Variants in EPB41L5 observed in about 807,000 individuals in gnomAD.
EPB41L5 encodes band 4.1-like protein 5.
A neutral mutation model predicts 106.6 loss-of-function variants in EPB41L5; 55 were observed. That is an observed-to-expected ratio of 0.52 (90% CI 0.42 to 0.65). The LOEUF is 0.65. Ranked by LOEUF, EPB41L5 falls within the 30% of genes least tolerant of loss-of-function variation. The pLI is 0.00. For synonymous variants in EPB41L5, 297 were observed against 306.7 expected, an observed-to-expected ratio of 0.97 and a Z score of 0.33; for missense variants, 871 against 882.1, an observed-to-expected ratio of 0.99 and a Z score of 0.16.
intron 18 of EPB41L5, among the ~76,000 whole-genome samples, chr2:120,139,622 A>G (rs561451446): frequency 9.2e-5 from 14 of 152,154 alleles, no homozygotes; most frequent in African/African-American, 3.1e-4. Context: ...TCAAAACTCC[A>G]GTGAGATATC....
In EPB41L5 at chr2:120,040,781, T is replaced by C. The variant is rs139396366; in HGVS notation, c.181-1225T>C. ...AGGACATGAAGGCATGGTCAAGTTC[T>C]TGATGAAAGGAAATATAGATGACAG... On this transcript the variant is annotated intron_variant, in intron 2 of 24. Coordinates refer to ENST00000263713, the MANE Select transcript of EPB41L5 (RefSeq NM_020909.4). Among the ~76,000 whole-genome samples the C allele has an allele frequency of 2.2e-3, 329 of 152,294 alleles. 1 individual carries two copies. Among genetic ancestry groups the C allele is most frequent in the Non-Finnish European group, 2.5e-3 (173 of 68,016 alleles).
intron 2 of EPB41L5, among the ~76,000 whole-genome samples, chr2:120,025,150 T>C (rs1678220098): frequency 6.6e-6 from 1 of 152,168 alleles, no homozygotes; most frequent in Admixed American, 6.5e-5. Flanking sequence ...GGTAGCCTAT[T>C]AATTGCTGCC....
chr2:120,067,220 T>C (rs140128516), intron 3 of EPB41L5, among the ~76,000 whole-genome samples: 1 of 152,348 alleles, frequency 6.6e-6, no homozygotes, highest in Non-Finnish European at 1.5e-5. Flanking sequence ...TATTTAAACA[T>C]GGAAAGGTAT....
At chr2:120,036,903 CT>C (rs1558813183) in intron 2 of EPB41L5, among the ~76,000 whole-genome samples, 4 of 152,092 alleles carry the variant, frequency 2.6e-5, no homozygotes, top group Non-Finnish European at 5.9e-5. Context: ...GTAGGAGTTC[CT>C]TTTTCCCCTA....
intron 21 of EPB41L5, among the ~76,000 whole-genome samples, chr2:120,162,304 TTATTGCCAA>T (rs1321979712): frequency 6.6e-6 from 1 of 152,242 alleles, no homozygotes; most frequent in Non-Finnish European, 1.5e-5. Context: ...GAAACCCAGT[TTATTGCCAA>T]TGAATGTTTT....
intron 3 of EPB41L5, among the ~76,000 whole-genome samples, chr2:120,063,660 T>C (rs1681236978): frequency 6.6e-6 from 1 of 151,488 alleles, no homozygotes; most frequent in Admixed American, 6.6e-5. Context: ...AAAAAAAAAT[T>C]CCTGGCCGGG....
intron 20 of EPB41L5, among the ~76,000 whole-genome samples, chr2:120,151,599 T>G (rs1188747148): frequency 7.1e-6 from 1 of 140,838 alleles, no homozygotes; most frequent in Non-Finnish European, 1.5e-5. Context: ...CAGGAGCCAC[T>G]GCGTCTGGCC....
At chr2:120,040,344 G>T (rs751480312) in intron 2 of EPB41L5, among the ~76,000 whole-genome samples, 1 of 152,172 alleles carries the variant, frequency 6.6e-6, no homozygotes, top group East Asian at 1.9e-4. Context: ...AGAAAATTGA[G>T]ATTGACATCA....
intron 24 of EPB41L5, among the ~76,000 whole-genome samples, chr2:120,172,645 G>A (rs940905839): frequency 6.6e-6 from 1 of 152,202 alleles, no homozygotes; most frequent in African/African-American, 2.4e-5. Flanking sequence ...TGGAAGATGT[G>A]TTCCATCTAA....
chr2:120,044,076 G>A (rs539507642), intron 3 of EPB41L5, among the ~76,000 whole-genome samples: 2 of 151,002 alleles, frequency 1.3e-5, no homozygotes, highest in Admixed American at 1.3e-4. Flanking sequence ...GGAGTTCAAG[G>A]TTGCAGTGAG....
At chr2:120,142,644 C>T (rs1403577509) in intron 18 of EPB41L5, among the ~76,000 whole-genome samples, 1 of 152,158 alleles carries the variant, frequency 6.6e-6, no homozygotes, top group East Asian at 1.9e-4. Flanking sequence ...TGCAGAACCT[C>T]GTAGTCTCTT....
chr2:120,165,013 T>A (rs1687328215), intron 22 of EPB41L5, 103 bp downstream of exon 22: 1 of 830,978 alleles, frequency 1.2e-6, no homozygotes, highest in Non-Finnish European at 1.9e-6. Flanking sequence ...GTTAAACTTT[T>A]CATTTGATAA....
intron 24 of EPB41L5, among the ~76,000 whole-genome samples, chr2:120,174,328 A>G (rs1486924070): frequency 2.6e-5 from 4 of 152,166 alleles, no homozygotes; most frequent in Non-Finnish European, 4.4e-5. Context: ...ATGTTGGCAC[A>G]GGCCTATAGT....
chr2:120,055,428 T>C (rs1680580119), intron 3 of EPB41L5, among the ~76,000 whole-genome samples: 1 of 151,936 alleles, frequency 6.6e-6, no homozygotes, highest in Non-Finnish European at 1.5e-5. Context: ...ATTTTAACAA[T>C]GTAGTCTTCT....
At chr2:120,155,593 C>T (rs1422919568) in intron 20 of EPB41L5, among the ~76,000 whole-genome samples, 2 of 151,770 alleles carry the variant, frequency 1.3e-5, no homozygotes, top group Non-Finnish European at 2.9e-5. Flanking sequence ...TCTTTCTATC[C>T]CTTTCTCTTC....
intron 18 of EPB41L5, among the ~76,000 whole-genome samples, chr2:120,132,695 C>T (rs1479551709): frequency 6.6e-6 from 1 of 152,144 alleles, no homozygotes; most frequent in Non-Finnish European, 1.5e-5. Flanking sequence ...TGTCTGTTTG[C>T]TTTTACAGTG....
chr2:120,172,359 G>A (rs1687715725), intron 24 of EPB41L5, among the ~76,000 whole-genome samples: 2 of 152,172 alleles, frequency 1.3e-5, no homozygotes, highest in Admixed American at 6.5e-5. Flanking sequence ...ATCTTTAGGA[G>A]GTCAAAGTTA....
chr2:120,035,909 A>C (rs921596557), intron 2 of EPB41L5, among the ~76,000 whole-genome samples: 3 of 152,098 alleles, frequency 2.0e-5, no homozygotes, highest in Admixed American at 6.6e-5. Context: ...AGTCCCAGGT[A>C]AGGAGTGTTG....
intron 14 of EPB41L5, among the ~76,000 whole-genome samples, chr2:120,099,117 G>A (rs887686092): frequency 6.6e-6 from 1 of 152,168 alleles, no homozygotes; most frequent in Non-Finnish European, 1.5e-5. Flanking sequence ...CTGAAACACA[G>A]TGCTGTCGTT....
Sources: gnomAD v4.1 joint callset for allele counts (sites outside exome capture counted in the v4.1 genomes callset) on GRCh38, gnomAD v4.1.1 for gene constraint, MANE v1.5 for transcripts, NCBI Gene and HGNC (gene_info 2026-07-23, HGNC 2026-07-21) for gene names.